The following DAB2 variants were observed in gnomAD, a reference collection of about 807,000 sequenced individuals.
The protein encoded by DAB2 is DAB adaptor protein 2.
Under a neutral mutation model 71.6 loss-of-function variants are expected in DAB2, and 28 were observed. The ratio of observed to expected loss-of-function variants is 0.39; its 90% CI spans 0.29 to 0.54. DAB2 has a LOEUF of 0.54. Ranked by LOEUF, DAB2 falls within the 20% of genes least tolerant of loss-of-function variation. DAB2 has a pLI of 0.68. For missense variants in DAB2, 867 were observed against 928.8 expected, an observed-to-expected ratio of 0.93 and a Z score of 0.86; for synonymous variants, 345 against 339.7, an observed-to-expected ratio of 1.02 and a Z score of -0.17.
chr5:39,401,186 A>G (rs537290715), intron 1 of DAB2, among the ~76,000 whole-genome samples: 27 of 152,330 alleles, frequency 1.8e-4, no homozygotes, highest in African/African-American at 6.5e-4. Context: ...TCACTGAGGA[A>G]TGAGACTATG....
At chr5:39,406,050 G>A (rs907779747) in intron 1 of DAB2, among the ~76,000 whole-genome samples, 1 of 152,134 alleles carries the variant, frequency 6.6e-6, no homozygotes, top group Non-Finnish European at 1.5e-5. Context: ...AGGCTTTAAA[G>A]CTCAAAGGTA....
intron 1 of DAB2, among the ~76,000 whole-genome samples, chr5:39,400,587 C>T (rs968413163): frequency 2.0e-5 from 3 of 152,090 alleles, no homozygotes; most frequent in Non-Finnish European, 2.9e-5. Flanking sequence ...AAAATCAATC[C>T]GCCATAAGCC....
At chr5:39,375,735 A>G (rs745373620) in intron 13 of DAB2, among the ~76,000 whole-genome samples, 9 of 151,966 alleles carry the variant, frequency 5.9e-5, no homozygotes, top group Non-Finnish European at 1.2e-4. Context: ...AAAATACAAA[A>G]ATTAGCCAGG....
chr5:39,375,381 T>A (rs1043881718), intron 13 of DAB2, among the ~76,000 whole-genome samples: 5 of 152,084 alleles, frequency 3.3e-5, no homozygotes, highest in African/African-American at 1.2e-4. Context: ...TTTTGAAAGG[T>A]TTTCAAGACA....
In DAB2 at chr5:39,422,264, G is replaced by A. The variant is rs1002532514; in HGVS notation, c.-102+2540C>T. 6.6e-6 allele frequency among the ~76,000 whole-genome samples: 1 copy of A among 152,034 alleles called. No individual in the cohort carries two copies. The highest frequency in any genetic ancestry group is 2.4e-5 in the African/African-American group (1 of 41,410). ...GTTCCCATTCTGGTTCTGTCTAAAG[G>A]GTAAAAAACCTTATGTGTTTGGTTA... On this transcript the variant is annotated intron_variant, in intron 1 of 14. Coordinates refer to ENST00000320816, the MANE Select transcript of DAB2 (RefSeq NM_001343.4). This position sits in a 1 kb window ranked among gnomAD's most constrained non-coding sequence, Gnocchi z 4.1.
At chr5:39,405,557 T>C (rs1040470190) in intron 1 of DAB2, among the ~76,000 whole-genome samples, 2 of 152,242 alleles carry the variant, frequency 1.3e-5, no homozygotes, top group African/African-American at 2.4e-5. Flanking sequence ...GAGTTTCATA[T>C]ATCTCAAGCA....
At chr5:39,381,984 A>G (rs887807047) in intron 10 of DAB2, among the ~76,000 whole-genome samples, 3 of 152,196 alleles carry the variant, frequency 2.0e-5, no homozygotes, top group African/African-American at 4.8e-5. Flanking sequence ...TGTTCATTCC[A>G]TTGGATTTTA....
At chr5:39,380,493 C>T (rs768445834) in intron 11 of DAB2, among the ~76,000 whole-genome samples, 10 of 152,174 alleles carry the variant, frequency 6.6e-5, no homozygotes, top group Non-Finnish European at 1.5e-4. Context: ...CTACAGTCCT[C>T]CACCTCCCAA....
In DAB2 at chr5:39,389,140, A is replaced by G. The variant is rs766230007; in HGVS notation, c.544-17T>C. On this transcript the variant is annotated splice_polypyrimidine_tract_variant and intron_variant, in intron 6 of 14. Coordinates refer to ENST00000320816, the MANE Select transcript of DAB2 (RefSeq NM_001343.4). ...TTCCTCTATCTAAAAAGAAAGATAC[A>G]TATTCAGTGATCTTCATATTCATAG... is the stretch of plus-strand genomic sequence containing the variant. The G allele has an allele frequency of 6.9e-6, 11 of 1,602,506 alleles. No homozygotes were observed. The highest frequency in any genetic ancestry group is 9.4e-6 in the Non-Finnish European group (11 of 1,170,666).
chr5:39,423,702 A>G (rs1756038595), intron 1 of DAB2: 1 of 152,020 alleles, frequency 6.6e-6, no homozygotes. Flanking sequence ...GTTATATCTT[A>G]CCTCCTTCTC....
intron 1 of DAB2, among the ~76,000 whole-genome samples, chr5:39,414,482 A>T (rs988745935): frequency 6.6e-6 from 1 of 150,814 alleles, no homozygotes; most frequent in Non-Finnish European, 1.5e-5. Flanking sequence ...TATCAGGCTG[A>T]AATCTATTCA....
intron 1 of DAB2, among the ~76,000 whole-genome samples, chr5:39,397,773 G>A (rs1054851695): frequency 6.6e-6 from 1 of 152,068 alleles, no homozygotes; most frequent in African/African-American, 2.4e-5. Context: ...ATCCTTATAT[G>A]CTTTTAAAAA....
rs553234699 is a variant in DAB2, at chr5:39,389,771, C to T, written c.543+81G>A. ...AGGTGATCCACCCACCTCTGCCTCC[C>T]GAAGTGCTGGGATTATAGGTGTGAG... is the stretch of plus-strand genomic sequence containing the variant. On this transcript the variant is annotated intron_variant, in intron 6 of 14. Transcript: ENST00000320816. 6.4e-5 allele frequency: 50 copies of T among 775,712 alleles called. 1 individual carries two copies. The highest frequency in any genetic ancestry group is 4.2e-4 in the East Asian group (14 of 33,136). 48.1% of individuals were successfully genotyped at this position (775,712 alleles called of 1,614,324 possible).
chr5:39,411,359 C>T (rs1164580440), intron 1 of DAB2, among the ~76,000 whole-genome samples: 1 of 152,132 alleles, frequency 6.6e-6, no homozygotes, highest in African/African-American at 2.4e-5. Context: ...AGAGCAGTCT[C>T]CTCTGTTCTC....
intron 9 of DAB2, among the ~76,000 whole-genome samples, chr5:39,386,494 C>T (rs1458384488): frequency 6.6e-6 from 1 of 152,134 alleles, no homozygotes; most frequent in Non-Finnish European, 1.5e-5. Flanking sequence ...CTAACCAGCA[C>T]ATAATTAGAT....
chr5:39,390,316 C>T, intron 5 of DAB2, 128 bp downstream of exon 5: 1 of 1,189,134 alleles, frequency 8.4e-7, no homozygotes, highest in East Asian at 2.4e-5. Context: ...TAAAAATAGT[C>T]ATTCTCGGAA....
intron 9 of DAB2, chr5:39,388,087 T>C: frequency 2.0e-6 from 1 of 503,334 alleles, no homozygotes; most frequent in Non-Finnish European, 3.5e-6. Flanking sequence ...ATTGTTCAGG[T>C]TTAATCTGTA....
chr5:39,408,373 C>G (rs1755650781), intron 1 of DAB2: 1 of 152,188 alleles, frequency 6.6e-6, no homozygotes, highest in Non-Finnish European at 1.5e-5. Context: ...TTTTGATATT[C>G]AACCTACCCA....
intron 10 of DAB2, among the ~76,000 whole-genome samples, chr5:39,382,391 A>T (rs1754999408): frequency 1.3e-5 from 2 of 152,252 alleles, no homozygotes. Context: ...ATCATAAGTG[A>T]CAAGACATGC....
Sources: allele counts gnomAD v4.1 joint callset (sites outside exome capture counted in the v4.1 genomes callset), GRCh38; gene constraint gnomAD v4.1.1; non-coding constraint Gnocchi (gnomAD v3.1); transcripts MANE v1.5; gene names NCBI Gene and HGNC (gene_info 2026-07-23, HGNC 2026-07-21).